Variants in WNT4 observed in about 807,000 individuals in gnomAD.
WNT4 encodes the protein protein Wnt-4.
WNT4 carries 16 observed loss-of-function variants against 34.5 expected under a neutral mutation model. That is an observed-to-expected ratio of 0.46 (90% confidence interval 0.31 to 0.70). The LOEUF (loss-of-function observed/expected upper bound fraction) is 0.70, where lower values mean the gene tolerates loss of function less well. Among genes scored for constraint, WNT4 ranks in the 30% least tolerant of loss-of-function variants. The pLI is 0.04. For synonymous variants in WNT4, 200 were observed against 211.9 expected, an observed-to-expected ratio of 0.94 and a Z score of 0.49; for missense variants, 379 against 495.9, an observed-to-expected ratio of 0.76 and a Z score of 2.24.
chr1:22,133,515 G>C (rs1645998875), intron 1 of WNT4, among the ~76,000 whole-genome samples: 1 of 152,216 alleles, frequency 6.6e-6, no homozygotes, highest in African/African-American at 2.4e-5. Context: ...CCCTTTCTAG[G>C]GGTGACAGAG....
intron 2 of WNT4, among the ~76,000 whole-genome samples, chr1:22,123,908 T>G (rs1274078589): frequency 1.3e-5 from 2 of 152,228 alleles, no homozygotes; most frequent in African/African-American, 2.4e-5. Context: ...ACAGTTGGCC[T>G]CTGGGCTCAG....
chr1:22,124,252 G>A (rs1218800121), intron 2 of WNT4, among the ~76,000 whole-genome samples: 4 of 152,342 alleles, frequency 2.6e-5, no homozygotes, highest in Admixed American at 1.3e-4. Flanking sequence ...GGCAATCCTC[G>A]CCTTGTCCTT....
In WNT4 at chr1:22,140,012, G is replaced by A. The variant is rs1395554515; in HGVS notation, c.77+2834C>T. Among the ~76,000 whole-genome samples the A allele has an allele frequency of 2.6e-5, 4 of 152,214 alleles. No individual in the cohort carries two copies. The highest frequency in any genetic ancestry group is 7.2e-5 in the African/African-American group (3 of 41,452). On this transcript the variant is annotated intron_variant, in intron 1 of 4. Coordinates refer to ENST00000290167, the MANE Select transcript of WNT4 (RefSeq NM_030761.5). This position sits in a 1 kb window ranked among gnomAD's most constrained non-coding sequence, Gnocchi z 5.9. ...TCCATCCTGCCCAACAGCTGCACGC[G>A]GCGGGACACCTGGCCTCCCCACCAG...
chr1:22,129,983 T>G, intron 1 of WNT4, 132 bp from the exon 2 acceptor site: 1 of 1,052,898 alleles, frequency 9.5e-7, no homozygotes, highest in East Asian at 2.4e-5. Context: ...CCGACTTCTC[T>G]CTGGATCCAG....
At chr1:22,129,935 T>G in intron 1 of WNT4, 84 bp from the exon 2 acceptor site, 1 of 1,500,352 alleles carries the variant, frequency 6.7e-7, no homozygotes, top group Non-Finnish European at 9.2e-7. Context: ...AGCCCGGGTC[T>G]CTGGGAACTG....
At position 22,134,660 on chromosome 1, in the gene WNT4, G is replaced by A. The variant is rs899702380; in HGVS notation, c.78-4809C>T. Among the ~76,000 whole-genome samples the A allele has an allele frequency of 6.6e-6, 1 of 152,132 alleles. No individual in the cohort carries two copies. Among genetic ancestry groups the A allele is most frequent in the Admixed American group, 6.5e-5 (1 of 15,274 alleles). On this transcript the variant is annotated intron_variant, in intron 1 of 4. Coordinates refer to ENST00000290167, the MANE Select transcript of WNT4 (RefSeq NM_030761.5). This position sits in a 1 kb window ranked among gnomAD's most constrained non-coding sequence, Gnocchi z 4.1. ...AGACTGGAATTCCTGCACGCAGGAG[G>A]CCTAAATGAATGAAATCTGTGTGCA...
intron 1 of WNT4, among the ~76,000 whole-genome samples, chr1:22,136,765 T>G (rs1226072711): frequency 6.6e-6 from 1 of 152,106 alleles, no homozygotes; most frequent in Non-Finnish European, 1.5e-5. Flanking sequence ...CTCGACATGT[T>G]TGCCTGGGGG....
intron 2 of WNT4, among the ~76,000 whole-genome samples, chr1:22,127,985 G>A (rs1645953359): frequency 6.6e-6 from 1 of 152,190 alleles, no homozygotes. Context: ...CACACCTACT[G>A]TGTCCAAGGG....
In WNT4 at chr1:22,141,085, G is replaced by A. The variant is rs569405901; in HGVS notation, c.77+1761C>T. 1.7e-3 allele frequency among the ~76,000 whole-genome samples: 265 copies of A among 152,262 alleles called. 2 individuals are homozygous for A. Among genetic ancestry groups the A allele is most frequent in the Non-Finnish European group, 2.9e-3 (196 of 68,012 alleles). On this transcript the variant is annotated intron_variant, in intron 1 of 4. Transcript: ENST00000290167. ...AAGGGGGTATAGGGTCACTGCCTGG[G>A]AGTCAGAACACCTGGGTTCAGTTCT...
rs1646035019 is a variant in WNT4 at position 22,137,900 on chromosome 1, G to T, written c.77+4946C>A. Among the ~76,000 whole-genome samples, 1 of 152,188 alleles carries T rather than the reference G, an allele frequency of 6.6e-6. No individual in the cohort carries two copies. On this transcript the variant is annotated intron_variant, in intron 1 of 4. Coordinates refer to ENST00000290167, the MANE Select transcript of WNT4 (RefSeq NM_030761.5). The surrounding 1 kb of genome is among the most constrained non-coding windows in gnomAD (Gnocchi z 5.3). ...CTGAGCCTCAGGGCAGTGGAGCAGA[G>T]CCTTCCTCCTACTGCAGGCCTTTGA...
intron 2 of WNT4, among the ~76,000 whole-genome samples, chr1:22,124,818 T>C (rs1296341808): frequency 6.6e-6 from 1 of 152,204 alleles, no homozygotes; most frequent in Non-Finnish European, 1.5e-5. Context: ...ATAGGCTTGC[T>C]GATCCCCTGG....
Position 22,137,935 on chromosome 1 carries a change from A to T in WNT4, c.77+4911T>A, listed in dbSNP as rs530319197. ...TACTGCAGGCCTTTGAAGATGGGCT[A>T]CCATTGGACAACAGCTGAGAACCCT... On this transcript the variant is annotated intron_variant, in intron 1 of 4. Coordinates refer to ENST00000290167, the MANE Select transcript of WNT4 (RefSeq NM_030761.5). The surrounding 1 kb of genome is among the most constrained non-coding windows in gnomAD (Gnocchi z 5.3). Among the ~76,000 whole-genome samples the T allele has an allele frequency of 2.0e-5, 3 of 152,220 alleles. No individual in the cohort carries two copies. Among genetic ancestry groups the T allele is most frequent in the Non-Finnish European group, 4.4e-5 (3 of 68,036 alleles).
Position 22,142,567 on chromosome 1 carries a change from G to A in WNT4, c.77+279C>T, listed in dbSNP as rs1202009604. Among the ~76,000 whole-genome samples, 4 of 150,914 alleles carry A rather than the reference G, an allele frequency of 2.7e-5. No individual in the cohort carries two copies. Among genetic ancestry groups the A allele is most frequent in the Admixed American group, 6.6e-5 (1 of 15,170 alleles). On this transcript the variant is annotated intron_variant, in intron 1 of 4. Coordinates refer to ENST00000290167, the MANE Select transcript of WNT4 (RefSeq NM_030761.5). The surrounding 1 kb of genome is among the most constrained non-coding windows in gnomAD (Gnocchi z 6.0). The stretch of plus-strand genomic sequence containing the variant: ...ACCGCCCCGCGCTCGCACCCCTGGC[G>A]CCCTCGAGAGCCCCGAGCCGCCTAC...
chr1:22,143,034 T>A lies in WNT4; in HGVS notation c.-112A>T, dbSNP rs1036653558. ...GGCCGGGGCGCGCGCGGCGGGGCTC[T>A]GCCTCCGTGTGCCTGCCGGCAGCCT... On this transcript the variant is annotated 5_prime_UTR_variant, in exon 1 of 5. Coordinates refer to ENST00000290167, the MANE Select transcript of WNT4 (RefSeq NM_030761.5). 1 of 322,928 alleles carries A rather than the reference T, an allele frequency of 3.1e-6. No homozygotes were observed. Among genetic ancestry groups the A allele is most frequent in the Non-Finnish European group, 4.4e-6 (1 of 228,958 alleles). 20.0% of individuals were successfully genotyped at this position (322,928 alleles called of 1,614,324 possible).
chr1:22,138,549 C>A (rs555603184), intron 1 of WNT4, among the ~76,000 whole-genome samples: 2 of 152,284 alleles, frequency 1.3e-5, no homozygotes, highest in African/African-American at 4.8e-5. Flanking sequence ...GAAGACTCAT[C>A]CAGTCCCAAA....
chr1:22,129,997 CAGGCCCT>C, intron 1 of WNT4, 146 bp from the exon 2 acceptor site: 1 of 933,598 alleles, frequency 1.1e-6, no homozygotes, highest in South Asian at 1.3e-5. Flanking sequence ...GATCCAGTTA[CAGGCCCT>C]CTTGCCCGGC....
At position 22,140,246 on chromosome 1, in the gene WNT4, C is replaced by T. The variant is rs1646055850; in HGVS notation, c.77+2600G>A. 1 of 985,372 alleles carries T rather than the reference C, an allele frequency of 1.0e-6. No individual in the cohort carries two copies. Among genetic ancestry groups the T allele is most frequent in the East Asian group, 1.1e-4 (1 of 8,826 alleles). 61.0% of individuals were successfully genotyped at this position (985,372 alleles called of 1,614,324 possible). ...CCATCATGCCTGCATGGACACCTGC[C>T]TCCCCGAAGCTTTTCCTTCTAGAGG... On this transcript the variant is annotated intron_variant, in intron 1 of 4. Transcript: ENST00000290167. This position sits in a 1 kb window ranked among gnomAD's most constrained non-coding sequence, Gnocchi z 5.9.
chr1:22,135,348 C>T (rs964936375), intron 1 of WNT4, among the ~76,000 whole-genome samples: 1 of 152,240 alleles, frequency 6.6e-6, no homozygotes, highest in Non-Finnish European at 1.5e-5. Context: ...CTCAGAGAAG[C>T]ATGTGTTTGA....
At chr1:22,138,126 C>T (rs1646036521) in intron 1 of WNT4, among the ~76,000 whole-genome samples, 1 of 152,184 alleles carries the variant, frequency 6.6e-6, no homozygotes. Flanking sequence ...CATGATTAGA[C>T]TAGAGTTATA....
Sources: gnomAD v4.1 joint callset for allele counts (sites outside exome capture counted in the v4.1 genomes callset) on GRCh38, gnomAD v4.1.1 for gene constraint, Gnocchi (gnomAD v3.1) non-coding constraint, MANE v1.5 for transcripts, NCBI Gene and HGNC (gene_info 2026-07-23, HGNC 2026-07-21) for gene names.